CXADR: variants seen among roughly 807,000 people sequenced by gnomAD.
The protein encoded by CXADR is coxsackievirus and adenovirus receptor.
A neutral mutation model predicts 40.3 loss-of-function variants in CXADR; 20 were observed. The ratio of observed to expected loss-of-function variants is 0.50; its 90% CI spans 0.35 to 0.72. The LOEUF is 0.72. CXADR is among the 30% of genes least tolerant of loss of function. The pLI is 0.01. For synonymous variants in CXADR, 150 were observed against 161.3 expected (o/e 0.93, Z 0.53); for missense variants, 332 against 449.1 (o/e 0.74, Z 2.36).
intron 7 of CXADR, among the ~76,000 whole-genome samples, chr21:17,577,965 G>A (rs969452828): frequency 6.6e-6 from 1 of 151,812 alleles, no homozygotes; most frequent in Non-Finnish European, 1.5e-5. Context: ...GGATATAGCA[G>A]GACTTTTTTT....
intron 7 of CXADR, among the ~76,000 whole-genome samples, chr21:17,582,699 G>T (rs572805939): frequency 6.6e-6 from 1 of 152,318 alleles, no homozygotes; most frequent in South Asian, 2.1e-4. Context: ...TGCATGTATC[G>T]CCATAACAGT....
At chr21:17,535,031 C>G (rs956001961) in intron 1 of CXADR, among the ~76,000 whole-genome samples, 1 of 152,158 alleles carries the variant, frequency 6.6e-6, no homozygotes, top group Non-Finnish European at 1.5e-5. Context: ...ATCCGCCTGC[C>G]TTGGCCTCCG....
chr21:17,513,046 C>T lies in CXADR; in HGVS notation c.-84C>T. On this transcript the variant is annotated 5_prime_UTR_variant, in exon 1 of 7. Transcript: ENST00000284878. ...GGTGCCGCCGCCGCCGCGAGCCAGT[C>T]GGGAGCGCGCGAGGCGCGGGGAGCC... The T allele has an allele frequency of 8.0e-7, 1 of 1,255,658 alleles. No individual in the cohort carries two copies. The highest frequency in any genetic ancestry group is 2.5e-5 in the South Asian group (1 of 40,630). 77.8% of individuals were successfully genotyped at this position (1,255,658 alleles called of 1,614,324 possible).
chr21:17,561,528 C>G (rs567772789), intron 6 of CXADR, 52 bp downstream of exon 6: 2 of 1,494,336 alleles, frequency 1.3e-6, no homozygotes, highest in South Asian at 1.3e-5. Context: ...TATGTCATTT[C>G]TCTAAAGCAT....
At chr21:17,601,968 G>T in the CXADR span, among the ~76,000 whole-genome samples, 2 of 152,166 alleles carry the variant, frequency 1.3e-5, no homozygotes, top group Non-Finnish European at 2.9e-5. Context: ...AAGAGAAGCT[G>T]CTGACTATAC....
intron 1 of CXADR, among the ~76,000 whole-genome samples, chr21:17,535,917 A>G (rs1220678069): frequency 6.6e-6 from 1 of 152,150 alleles, no homozygotes; most frequent in Non-Finnish European, 1.5e-5. Context: ...CTAAGGTGGG[A>G]GGATGGCTTG....
chr21:17,633,370 G>A, the CXADR span, among the ~76,000 whole-genome samples: 5 of 152,220 alleles, frequency 3.3e-5, no homozygotes, highest in Non-Finnish European at 7.3e-5. Flanking sequence ...TCCGAGACCA[G>A]CCTGGGCAAT....
intron 1 of CXADR, among the ~76,000 whole-genome samples, chr21:17,540,071 G>A (rs2060807682): frequency 6.6e-6 from 1 of 152,198 alleles, no homozygotes; most frequent in South Asian, 2.1e-4. Flanking sequence ...GGTTTCTGGT[G>A]AGGGCCCTCT....
At chr21:17,529,252 C>T (rs141085965) in intron 1 of CXADR, among the ~76,000 whole-genome samples, 315 of 151,788 alleles carry the variant, frequency 2.1e-3, no homozygotes, top group African/African-American at 7.2e-3. Context: ...AGGCTGGTGT[C>T]GAACTCCTGA....
the CXADR span, chr21:17,605,126 A>G: frequency 9.4e-7 from 1 of 1,059,888 alleles, no homozygotes; most frequent in Non-Finnish European, 1.3e-6. Flanking sequence ...AGAACCTAGG[A>G]GCATATCTAT....
chr21:17,596,054 T>C (rs1042971208), downstream of CXADR, among the ~76,000 whole-genome samples: 4 of 152,164 alleles, frequency 2.6e-5, no homozygotes, highest in East Asian at 7.7e-4. Flanking sequence ...TTTTGTAAAG[T>C]GTTTATTCAC....
downstream of CXADR, among the ~76,000 whole-genome samples, chr21:17,573,628 G>A (rs980919437): frequency 3.9e-5 from 6 of 152,222 alleles, no homozygotes; most frequent in Non-Finnish European, 8.8e-5. Flanking sequence ...CGGTTATGAG[G>A]CTGGGCACGG....
chr21:17,561,493 G>A lies in CXADR; in HGVS notation c.833+17G>A, dbSNP rs1314679623. The A allele has an allele frequency of 1.9e-6, 3 of 1,598,784 alleles. No homozygotes were observed. Among genetic ancestry groups the A allele is most frequent in the Non-Finnish European group, 2.6e-6 (3 of 1,172,684 alleles). ...CGATATCAGGTAATTAAGTGAGACA[G>A]GAGTTGACTGATGTATACCAAATAT... On this transcript the variant is annotated intron_variant, in intron 6 of 6. Coordinates refer to ENST00000284878, the MANE Select transcript of CXADR (RefSeq NM_001338.5).
chr21:17,567,370 G>A lies in CXADR; in HGVS notation c.*1678G>A, dbSNP rs1205630169. 10 of 984,840 alleles carry A rather than the reference G, an allele frequency of 1.0e-5. No homozygotes were observed. The highest frequency in any genetic ancestry group is 1.2e-5 in the Non-Finnish European group (10 of 829,528). The allele number at this position is 984,840 out of a possible 1,614,324, so 61.0% of individuals were successfully genotyped here. Reference sequence around the variant, plus strand: ...TTTTAAAAACAGGTTTTAACCTTATGTAAAATTACTTTTATACTCGTGTTA... The same window carrying A: ...TTTTAAAAACAGGTTTTAACCTTATATAAAATTACTTTTATACTCGTGTTA... On this transcript the variant is annotated 3_prime_UTR_variant, in exon 7 of 7. Transcript: ENST00000284878.
the CXADR span, chr21:17,611,530 C>T: frequency 6.6e-6 from 1 of 152,206 alleles, no homozygotes; most frequent in Non-Finnish European, 1.5e-5. Flanking sequence ...TAAGCCCACT[C>T]CCACCAGTAT....
At chr21:17,526,983 T>C (rs968442402) in intron 1 of CXADR, among the ~76,000 whole-genome samples, 1 of 152,208 alleles carries the variant, frequency 6.6e-6, no homozygotes, top group African/African-American at 2.4e-5. Flanking sequence ...ATGAAGGTGA[T>C]GAAAATATTC....
In CXADR at chr21:17,538,396, G is replaced by A. The variant is rs529056429; in HGVS notation, c.44-8631G>A. ...ATACTGTGGGAGTGGGAAGTGGTAA[G>A]AAGCTAAAGGTGCTAGAGGGTGGCT... is the stretch of plus-strand genomic sequence containing the variant. On this transcript the variant is annotated intron_variant, in intron 1 of 6. Coordinates refer to ENST00000284878, the MANE Select transcript of CXADR (RefSeq NM_001338.5). Among the ~76,000 whole-genome samples the A allele has an allele frequency of 2.0e-5, 3 of 152,268 alleles. No homozygotes were observed. In the South Asian group the frequency reaches 6.2e-4, roughly 32 times the overall value.
the CXADR span, among the ~76,000 whole-genome samples, chr21:17,618,302 A>G: frequency 2.6e-5 from 4 of 152,158 alleles, no homozygotes; most frequent in African/African-American, 9.7e-5. Flanking sequence ...ATCTGCAGTT[A>G]CTTCCTCCAC....
Position 17,514,478 on chromosome 21 carries a change from G to A in CXADR, c.43+1306G>A, listed in dbSNP as rs182295569. Among the ~76,000 whole-genome samples the A allele has an allele frequency of 9.0e-4, 136 of 151,626 alleles. 1 individual carries two copies. Among genetic ancestry groups the A allele is most frequent in the Non-Finnish European group, 8.4e-4 (57 of 67,958 alleles). The stretch of plus-strand genomic sequence containing the variant: ...GAAGGGTCATAGAACCAGTTTACAG[G>A]TACATTCCCACCTTTCTTTCTTTTT... On this transcript the variant is annotated intron_variant, in intron 1 of 6. Transcript: ENST00000284878.
Sources: gnomAD v4.1 joint callset for allele counts (sites outside exome capture counted in the v4.1 genomes callset) on GRCh38, gnomAD v4.1.1 for gene constraint, MANE v1.5 for transcripts, NCBI Gene and HGNC (gene_info 2026-07-23, HGNC 2026-07-21) for gene names.